The following ST6GALNAC3 variants were observed in gnomAD, a reference collection of about 807,000 sequenced individuals.
The protein encoded by ST6GALNAC3 is alpha-N-acetylgalactosaminide alpha-2,6-sialyltransferase 3.
ST6GALNAC3 carries 25 observed loss-of-function variants against 32.7 expected under a neutral mutation model. The ratio of observed to expected loss-of-function variants is 0.76; its 90% CI spans 0.56 to 1.07. The LOEUF (loss-of-function observed/expected upper bound fraction) is 1.07. Among genes scored for constraint, ST6GALNAC3 ranks in the 50% least tolerant of loss-of-function variants. The pLI is 0.00. For missense variants in ST6GALNAC3, 355 were observed against 382.4 expected (o/e 0.93, Z 0.60); for synonymous variants, 129 against 133.1 (o/e 0.97, Z 0.21).
intron 2 of ST6GALNAC3, among the ~76,000 whole-genome samples, chr1:76,374,239 G>A (rs181760459): frequency 7.9e-5 from 12 of 152,292 alleles, no homozygotes; most frequent in Admixed American, 7.2e-4. Flanking sequence ...AAATAAATGT[G>A]ATGCTTGGGT....
intron 1 of ST6GALNAC3, among the ~76,000 whole-genome samples, chr1:76,205,154 G>A (rs1013735658): frequency 1.3e-5 from 2 of 152,300 alleles, no homozygotes; most frequent in South Asian, 2.1e-4. Context: ...CTGAATGAAG[G>A]ATTGGCCAGC....
chr1:76,205,214 T>A (rs1231530360), intron 1 of ST6GALNAC3, among the ~76,000 whole-genome samples: 1 of 152,198 alleles, frequency 6.6e-6, no homozygotes, highest in Admixed American at 6.5e-5. Context: ...TTAAGAGTAT[T>A]GTATCAGTGT....
At chr1:76,309,984 G>A (rs776195327) in intron 1 of ST6GALNAC3, 31 of 499,902 alleles carry the variant, frequency 6.2e-5, no homozygotes, top group Middle Eastern at 3.2e-4. Context: ...GTATGCATAC[G>A]TATGTGTTGC....
chr1:76,390,067 T>C (rs1260861649), intron 2 of ST6GALNAC3, among the ~76,000 whole-genome samples: 2 of 152,208 alleles, frequency 1.3e-5, no homozygotes, highest in East Asian at 1.9e-4. Context: ...TGTATACTTA[T>C]CGTTTTAATG....
intron 1 of ST6GALNAC3, among the ~76,000 whole-genome samples, chr1:76,233,690 T>A (rs544977935): frequency 6.6e-6 from 1 of 152,344 alleles, no homozygotes; most frequent in South Asian, 2.1e-4. Flanking sequence ...TTACTCTTTT[T>A]CTTTCTGCAT....
At chr1:76,605,206 AG>A (rs1647446187) in intron 3 of ST6GALNAC3, among the ~76,000 whole-genome samples, 2 of 152,198 alleles carry the variant, frequency 1.3e-5, no homozygotes, top group African/African-American at 4.8e-5. Flanking sequence ...AGTGACCATC[AG>A]ATGTTGATAG....
chr1:76,626,310 T>C (rs1648965208), intron 3 of ST6GALNAC3, among the ~76,000 whole-genome samples: 1 of 151,906 alleles, frequency 6.6e-6, no homozygotes. Context: ...GACCATTTAA[T>C]CTTTTTCAGA....
chr1:76,104,064 A>G (rs1433784742), intron 1 of ST6GALNAC3, among the ~76,000 whole-genome samples: 1 of 152,140 alleles, frequency 6.6e-6, no homozygotes, highest in Non-Finnish European at 1.5e-5. Flanking sequence ...CTTTCTATAA[A>G]TAGGAAGACT....
At chr1:76,502,588 T>G (rs1433553532) in intron 3 of ST6GALNAC3, among the ~76,000 whole-genome samples, 1 of 152,166 alleles carries the variant, frequency 6.6e-6, no homozygotes, top group Non-Finnish European at 1.5e-5. Context: ...GATTTCCTCC[T>G]TTTATAGAGA....
chr1:76,331,133 G>A (rs905494603), intron 2 of ST6GALNAC3, among the ~76,000 whole-genome samples: 3 of 152,140 alleles, frequency 2.0e-5, no homozygotes, highest in African/African-American at 7.2e-5. Flanking sequence ...TGCGATCCTG[G>A]TGAGATGGCC....
intron 3 of ST6GALNAC3, among the ~76,000 whole-genome samples, chr1:76,536,991 A>G (rs1024600163): frequency 1.3e-5 from 2 of 152,208 alleles, no homozygotes; most frequent in African/African-American, 2.4e-5. Flanking sequence ...AGTGGACCCA[A>G]TAGGTATCTA....
chr1:76,519,923 G>A (rs1286093246), intron 3 of ST6GALNAC3, among the ~76,000 whole-genome samples: 1 of 151,058 alleles, frequency 6.6e-6, no homozygotes, highest in Non-Finnish European at 1.5e-5. Flanking sequence ...CACACACACT[G>A]TATGTATATT....
At position 76,625,154 on chromosome 1, in the gene ST6GALNAC3, T is replaced by A. The variant is rs1245700834; in HGVS notation, c.624-2298T>A. Reference sequence around the variant, plus strand: ...AATTCTAACTGCACTCTGTGTTGACTCTGAAACACATGGCTGTGCTTTGTT... The same window carrying A: ...AATTCTAACTGCACTCTGTGTTGACACTGAAACACATGGCTGTGCTTTGTT... On this transcript the variant is annotated intron_variant, in intron 3 of 4. Transcript: ENST00000328299. 7.9e-5 allele frequency among the ~76,000 whole-genome samples: 12 copies of A among 152,114 alleles called. 1 individual carries two copies. The highest frequency in any genetic ancestry group is 3.9e-4 in the East Asian group (2 of 5,170).
rs1276012535 is a variant in ST6GALNAC3 at position 76,509,104 on chromosome 1, C to T, written c.623+96687C>T. ...AATGGAATTATTTATTCTGGAAACACCAACAGAGTTGTTCGTCAATTGTTG... is the reference window on the plus strand; with the variant it reads ...AATGGAATTATTTATTCTGGAAACATCAACAGAGTTGTTCGTCAATTGTTG... On this transcript the variant is annotated intron_variant, in intron 3 of 4. Transcript: ENST00000328299. The surrounding 1 kb of genome is among the most constrained non-coding windows in gnomAD (Gnocchi z 5.5). 6.6e-6 allele frequency among the ~76,000 whole-genome samples: 1 copy of T among 152,144 alleles called. No homozygotes were observed.
chr1:76,117,514 T>C (rs983368207), intron 1 of ST6GALNAC3, among the ~76,000 whole-genome samples: 2 of 152,230 alleles, frequency 1.3e-5, no homozygotes, highest in Non-Finnish European at 2.9e-5. Context: ...AGCTTAAACC[T>C]AAAATGTGGT....
chr1:76,181,853 A>G (rs777515520), intron 1 of ST6GALNAC3, among the ~76,000 whole-genome samples: 1 of 152,212 alleles, frequency 6.6e-6, no homozygotes, highest in Non-Finnish European at 1.5e-5. Context: ...AAGTATGTAT[A>G]AATCATTTCA....
intron 3 of ST6GALNAC3, among the ~76,000 whole-genome samples, chr1:76,504,832 G>C (rs1661376830): frequency 6.6e-6 from 1 of 152,100 alleles, no homozygotes; most frequent in Non-Finnish European, 1.5e-5. Flanking sequence ...TAGGTATTCA[G>C]TTATTTTAAT....
intron 3 of ST6GALNAC3, among the ~76,000 whole-genome samples, chr1:76,432,553 C>G (rs993931095): frequency 2.9e-5 from 4 of 139,550 alleles, no homozygotes; most frequent in African/African-American, 1.1e-4. Context: ...CTCCTGGGCT[C>G]AAGTGATCCT....
chr1:76,203,114 A>T (rs952808460), intron 1 of ST6GALNAC3, among the ~76,000 whole-genome samples: 7 of 152,224 alleles, frequency 4.6e-5, no homozygotes, highest in African/African-American at 1.7e-4. Context: ...CCTAGGGTAC[A>T]TGCCAAAGGA....
Sources: gnomAD v4.1 joint callset for allele counts (sites outside exome capture counted in the v4.1 genomes callset) on GRCh38, gnomAD v4.1.1 for gene constraint, Gnocchi (gnomAD v3.1) non-coding constraint, MANE v1.5 for transcripts, NCBI Gene and HGNC (gene_info 2026-07-23, HGNC 2026-07-21) for gene names.